SHROOM4: variants seen among roughly 807,000 people sequenced by gnomAD.
SHROOM4 encodes the protein protein Shroom4.
Under a neutral mutation model 80.3 loss-of-function variants are expected in SHROOM4, and 17 were observed. The ratio of observed to expected loss-of-function variants is 0.21; its 90% confidence interval spans 0.14 to 0.32. SHROOM4 has a LOEUF of 0.32. Among genes scored for constraint, SHROOM4 ranks in the 10% least tolerant of loss-of-function variants. The pLI is 1.00. For missense variants in SHROOM4, 993 were observed against 1,140.3 expected (o/e 0.87, Z 1.86); for synonymous variants, 400 against 437.5 (o/e 0.91, Z 1.07).
Position 50,592,690 on chromosome X carries a change from G to A in SHROOM4, c.*4005C>T, listed in dbSNP as rs1219625274. 2 of 120,004 alleles carry A rather than the reference G, an allele frequency of 1.7e-5. No individual in the cohort carries two copies. The highest frequency in any genetic ancestry group is 3.5e-5 in the Non-Finnish European group (2 of 57,749). The allele number at this position is 120,004 out of a possible 1,213,427, so 9.9% of individuals were successfully genotyped here. A position where few individuals can be genotyped will look rare whatever the true frequency, so the allele number is the denominator to read the frequency against. Reference sequence around the variant, plus strand: ...AGATCACCAAGGCCCTTGCTTTCCAGGGAGCTGAGCATGAAGGTGTGAGAT... The same window carrying A: ...AGATCACCAAGGCCCTTGCTTTCCAAGGAGCTGAGCATGAAGGTGTGAGAT... On this transcript the variant is annotated 3_prime_UTR_variant, in exon 9 of 9. Transcript: ENST00000376020.
chrX:50,729,247 C>G (rs781801984), intron 1 of SHROOM4, among the ~76,000 whole-genome samples: 1 of 110,784 alleles, frequency 9.0e-6, no homozygotes, highest in South Asian at 3.8e-4. Flanking sequence ...TATGTTTAAA[C>G]AACTGAAAGA....
At chrX:50,732,046 C>T (rs1407197806) in intron 1 of SHROOM4, among the ~76,000 whole-genome samples, 3 of 111,664 alleles carry the variant, frequency 2.7e-5, no homozygotes, top group African/African-American at 9.8e-5. Context: ...CTGAAAAGAG[C>T]CACACTCAGA....
intron 2 of SHROOM4, among the ~76,000 whole-genome samples, chrX:50,664,710 A>G (rs781841320): frequency 8.9e-6 from 1 of 112,278 alleles, no homozygotes; most frequent in South Asian, 3.7e-4. Context: ...CTATTTAGAA[A>G]CAACTGTAAA....
At chrX:50,637,798 G>T (rs1384032326) in intron 3 of SHROOM4, among the ~76,000 whole-genome samples, 2 of 112,140 alleles carry the variant, frequency 1.8e-5, no homozygotes, top group African/African-American at 3.2e-5. Flanking sequence ...CCAGTGAGTC[G>T]CCATTGACAG....
intron 2 of SHROOM4, among the ~76,000 whole-genome samples, chrX:50,689,795 A>AT (rs782585260): frequency 8.9e-6 from 1 of 112,168 alleles, no homozygotes; most frequent in South Asian, 3.7e-4. Context: ...TTTAAAAATT[A>AT]TTTTAATACT....
chrX:50,799,631 A>G (rs1449390123), intron 1 of SHROOM4, among the ~76,000 whole-genome samples: 2 of 112,386 alleles, frequency 1.8e-5, no homozygotes, highest in Middle Eastern at 4.6e-3. Context: ...ACAGTGACTC[A>G]CATCCAAGGC....
intron 2 of SHROOM4, among the ~76,000 whole-genome samples, chrX:50,665,306 A>C (rs1487008104): frequency 9.0e-6 from 1 of 111,167 alleles, no homozygotes; most frequent in East Asian, 2.8e-4. Context: ...TCTCAGGTCG[A>C]GGCAAAGTTA....
At chrX:50,763,184 TA>T (rs1163538909) in intron 1 of SHROOM4, among the ~76,000 whole-genome samples, 2 of 111,678 alleles carry the variant, frequency 1.8e-5, no homozygotes, top group African/African-American at 6.5e-5. Flanking sequence ...GCCCCTCCAG[TA>T]AATTGTTCCT....
intron 1 of SHROOM4, among the ~76,000 whole-genome samples, chrX:50,730,791 A>C (rs1179963988): frequency 9.0e-6 from 1 of 110,905 alleles, no homozygotes; most frequent in Non-Finnish European, 1.9e-5. Context: ...AGAAAAAAAA[A>C]AAAAATAACA....
rs1304575095 is a variant in SHROOM4, at chrX:50,591,686, TTTCTTTCTTTTC to T, written c.*4997_*5008del. On this transcript the variant is annotated 3_prime_UTR_variant, in exon 9 of 9. Coordinates refer to ENST00000376020, the MANE Select transcript of SHROOM4 (RefSeq NM_020717.5). ...TGGAACTGTTTTCTTTCTTTCTTTC[TTTCTTTCTTTTC>T]TTTCTTTCTTTCTTTCTTTCTTTCT... is the stretch of plus-strand genomic sequence containing the variant. 7.6e-6 allele frequency: 2 copies of T among 262,429 alleles called. No individual in the cohort carries two copies. Among genetic ancestry groups the T allele is most frequent in the Non-Finnish European group, 1.3e-5 (2 of 149,724 alleles). The allele number at this position is 262,429 out of a possible 1,213,427, so 21.6% of individuals were successfully genotyped here.
chrX:50,655,527 A>T (rs980615740), intron 2 of SHROOM4, among the ~76,000 whole-genome samples: 2 of 106,660 alleles, frequency 1.9e-5, no homozygotes, highest in Non-Finnish European at 3.8e-5. Context: ...TTATATATGA[A>T]ATATATATTA....
intron 1 of SHROOM4, among the ~76,000 whole-genome samples, chrX:50,752,379 T>C (rs886964364): frequency 1.8e-5 from 2 of 111,927 alleles, no homozygotes; most frequent in African/African-American, 6.5e-5. Flanking sequence ...CAATTTGAGA[T>C]GGCCACCTGC....
At chrX:50,728,540 G>A (rs1188497983) in intron 1 of SHROOM4, among the ~76,000 whole-genome samples, 2 of 111,491 alleles carry the variant, frequency 1.8e-5, no homozygotes, top group African/African-American at 6.5e-5. Flanking sequence ...ATTAGATCAA[G>A]GGGCTTTTGC....
intron 1 of SHROOM4, among the ~76,000 whole-genome samples, chrX:50,797,394 A>G (rs915513355): frequency 1.8e-5 from 2 of 112,062 alleles, no homozygotes; most frequent in African/African-American, 6.5e-5. Context: ...TATGTAAGTG[A>G]AAAAAGCGAA....
intron 5 of SHROOM4, among the ~76,000 whole-genome samples, chrX:50,610,092 T>C (rs1337138752): frequency 1.8e-5 from 2 of 111,086 alleles, no homozygotes; most frequent in African/African-American, 3.3e-5. Context: ...ATGATGAAGA[T>C]TGGAAATAGT....
intron 7 of SHROOM4, among the ~76,000 whole-genome samples, chrX:50,600,572 T>C (rs1557247504): frequency 8.9e-6 from 1 of 111,995 alleles, no homozygotes; most frequent in Non-Finnish European, 1.9e-5. Context: ...AGGAGTATGC[T>C]TCAGTGTATG....
chrX:50,716,372 T>A (rs1289799357), intron 1 of SHROOM4, among the ~76,000 whole-genome samples: 4 of 111,680 alleles, frequency 3.6e-5, no homozygotes, highest in African/African-American at 1.3e-4. Flanking sequence ...AAATGACAGG[T>A]ATGTGAGGTA....
chrX:50,720,199 A>G (rs1557265304), intron 1 of SHROOM4, among the ~76,000 whole-genome samples: 1 of 111,812 alleles, frequency 8.9e-6, no homozygotes, highest in African/African-American at 3.3e-5. Flanking sequence ...AAAGAAGGGG[A>G]TGTGAAAATT....
At chrX:50,728,428 T>G (rs1602467631) in intron 1 of SHROOM4, among the ~76,000 whole-genome samples, 1 of 112,076 alleles carries the variant, frequency 8.9e-6, no homozygotes, top group South Asian at 3.7e-4. Flanking sequence ...TCACTGGACA[T>G]CTGAAAGCCT....
Sources: gnomAD v4.1 joint callset for allele counts (sites outside exome capture counted in the v4.1 genomes callset) on GRCh38, gnomAD v4.1.1 for gene constraint, MANE v1.5 for transcripts, NCBI Gene and HGNC (gene_info 2026-07-23, HGNC 2026-07-21) for gene names.